Variants in ITPR2 observed in about 807,000 individuals in gnomAD.
The protein encoded by ITPR2 is inositol 1,4,5-trisphosphate receptor type 2.
Under a neutral mutation model 317.1 loss-of-function variants are expected in ITPR2, and 207 were observed. The observed-to-expected ratio is 0.65, with a 90% CI of 0.58 to 0.73. The LOEUF (loss-of-function observed/expected upper bound fraction) is 0.73, where lower values mean the gene tolerates loss of function less well. ITPR2 is among the 30% of genes least tolerant of loss of function. The pLI is 0.00. For synonymous variants in ITPR2, 1,156 were observed against 1,149.1 expected, an observed-to-expected ratio of 1.01 and a Z score of -0.12; for missense variants, 2,613 against 3,284.0, an observed-to-expected ratio of 0.80 and a Z score of 4.99.
chr12:26,512,517 C>T (rs1446244122), intron 37 of ITPR2, among the ~76,000 whole-genome samples: 1 of 152,234 alleles, frequency 6.6e-6, no homozygotes, highest in Admixed American at 6.5e-5. Context: ...TGATCAAAGA[C>T]TCAAAAGAAT....
intron 1 of ITPR2, among the ~76,000 whole-genome samples, chr12:26,802,192 C>T: frequency 6.6e-6 from 1 of 151,850 alleles, no homozygotes; most frequent in Non-Finnish European, 1.5e-5. Flanking sequence ...CCCAGCTACT[C>T]AAAGGCTGAG....
At chr12:26,762,254 T>A (rs1249811345) in intron 2 of ITPR2, among the ~76,000 whole-genome samples, 1 of 152,186 alleles carries the variant, frequency 6.6e-6, no homozygotes, top group Non-Finnish European at 1.5e-5. Context: ...CAAATAACAC[T>A]AAATAGATTA....
intron 37 of ITPR2, among the ~76,000 whole-genome samples, chr12:26,528,481 C>G (rs771223571): frequency 6.6e-6 from 1 of 152,164 alleles, no homozygotes; most frequent in Non-Finnish European, 1.5e-5. Context: ...TGTATGAAAA[C>G]CTGAAGGAAG....
intron 32 of ITPR2, among the ~76,000 whole-genome samples, chr12:26,594,725 T>C (rs1282491154): frequency 6.6e-6 from 1 of 151,852 alleles, no homozygotes. Flanking sequence ...CTGGCTGTTA[T>C]GATAATTCAG....
At chr12:26,600,707 T>C (rs1327009764) in intron 28 of ITPR2, among the ~76,000 whole-genome samples, 1 of 142,332 alleles carries the variant, frequency 7.0e-6, no homozygotes, top group African/African-American at 2.6e-5. Flanking sequence ...CTTCTTTTCC[T>C]CTTTTCCTAT....
At chr12:26,528,912 C>T (rs1184969190) in intron 37 of ITPR2, among the ~76,000 whole-genome samples, 6 of 152,128 alleles carry the variant, frequency 3.9e-5, no homozygotes, top group South Asian at 4.1e-4. Flanking sequence ...TTACTCATGC[C>T]GCAATCCTTA....
chr12:26,550,682 T>C (rs1944502081), intron 36 of ITPR2, among the ~76,000 whole-genome samples: 1 of 136,260 alleles, frequency 7.3e-6, no homozygotes, highest in African/African-American at 2.5e-5. Flanking sequence ...ATTAGAGAAA[T>C]ACAAATATTT....
chr12:26,502,408 G>A (rs1278619161), intron 37 of ITPR2, among the ~76,000 whole-genome samples: 1 of 152,162 alleles, frequency 6.6e-6, no homozygotes, highest in African/African-American at 2.4e-5. Flanking sequence ...CTTAATGAAG[G>A]AAAATGACTG....
intron 13 of ITPR2, among the ~76,000 whole-genome samples, chr12:26,675,709 A>T (rs1179967573): frequency 1.6e-5 from 2 of 124,870 alleles, no homozygotes; most frequent in African/African-American, 5.7e-5. Flanking sequence ...TAAAAAAAAA[A>T]TTACCAAGTC....
chr12:26,624,912 A>T (rs1041771514), intron 23 of ITPR2, among the ~76,000 whole-genome samples: 7 of 152,208 alleles, frequency 4.6e-5, no homozygotes, highest in African/African-American at 1.2e-4. Context: ...ACTATTTACA[A>T]TAGCTAAGAT....
intron 48 of ITPR2, among the ~76,000 whole-genome samples, chr12:26,435,579 C>T (rs1280581132): frequency 5.9e-5 from 9 of 152,150 alleles, no homozygotes; most frequent in South Asian, 2.1e-4. Flanking sequence ...AAAAATCTCA[C>T]GATTCAGTAT....
intron 21 of ITPR2, among the ~76,000 whole-genome samples, chr12:26,645,781 A>G (rs1171603595): frequency 6.6e-6 from 1 of 152,228 alleles, no homozygotes; most frequent in Non-Finnish European, 1.5e-5. Flanking sequence ...CAGGTGAAAA[A>G]TTCAAAAGAG....
chr12:26,400,143 T>C lies in ITPR2; in HGVS notation c.7515A>G (p.Arg2505=). 1 of 1,611,334 alleles carries C rather than the reference T, an allele frequency of 6.2e-7. No homozygotes were observed. Among genetic ancestry groups the C allele is most frequent in the Non-Finnish European group, 8.5e-7 (1 of 1,178,282 alleles). ...RNGGGVGDVL[R]RPSKDEPLFA... is the part of the protein sequence containing the mutation. ...TCTGGCTTACATCTTTCGATGGCCT[T>C]CTTAGCACATCCCCCACACCACCGC... is the stretch of plus-strand genomic sequence containing the variant. The change falls in exon 53 of 57, where the codon AGA becomes AGG. Residue 2505 remains arginine (R), a synonymous_variant. Coordinates refer to ENST00000381340, the MANE Select transcript of ITPR2 (RefSeq NM_002223.4).
intron 2 of ITPR2, among the ~76,000 whole-genome samples, chr12:26,746,723 G>A (rs1249589844): frequency 6.6e-6 from 1 of 152,126 alleles, no homozygotes; most frequent in East Asian, 1.9e-4. Flanking sequence ...GAATTTTCAA[G>A]GTAATGCAGC....
At chr12:26,360,590 G>C (rs1034410020) in intron 55 of ITPR2, among the ~76,000 whole-genome samples, 1 of 152,166 alleles carries the variant, frequency 6.6e-6, no homozygotes, top group African/African-American at 2.4e-5. Flanking sequence ...GAGCTGACAA[G>C]GCTTTTTAGT....
intron 26 of ITPR2, among the ~76,000 whole-genome samples, chr12:26,614,984 T>A (rs1255582246): frequency 1.3e-5 from 2 of 152,204 alleles, no homozygotes; most frequent in Non-Finnish European, 2.9e-5. Context: ...TATTGGCTTA[T>A]CAATTATAAT....
intron 36 of ITPR2, among the ~76,000 whole-genome samples, chr12:26,553,144 G>C (rs1205677553): frequency 1.3e-5 from 2 of 152,108 alleles, no homozygotes; most frequent in Non-Finnish European, 2.9e-5. Flanking sequence ...AAATTAGCTG[G>C]TTGCGTCTAC....
At chr12:26,693,481 G>C (rs568090496) in intron 10 of ITPR2, among the ~76,000 whole-genome samples, 80 of 152,258 alleles carry the variant, frequency 5.3e-4, no homozygotes, top group Middle Eastern at 3.4e-3. Context: ...ACAAAAATCT[G>C]CTCAAGTTTC....
At chr12:26,560,295 C>T (rs1225653370) in intron 35 of ITPR2, among the ~76,000 whole-genome samples, 1 of 151,496 alleles carries the variant, frequency 6.6e-6, no homozygotes, top group Non-Finnish European at 1.5e-5. Flanking sequence ...ATAGGGCGTT[C>T]TTTTTTTTTC....
Sources: gnomAD v4.1 joint callset for allele counts (sites outside exome capture counted in the v4.1 genomes callset) on GRCh38, gnomAD v4.1.1 for gene constraint, MANE v1.5 for transcripts, NCBI Gene and HGNC (gene_info 2026-07-23, HGNC 2026-07-21) for gene names.